ITGA4: variants seen among roughly 807,000 people sequenced by gnomAD.
ITGA4 encodes the protein integrin subunit alpha 4, also known as integrin alpha-4.
ITGA4 carries 63 observed loss-of-function variants against 133.6 expected under a neutral mutation model. That is an observed-to-expected ratio of 0.47 (90% CI 0.38 to 0.58). The LOEUF (loss-of-function observed/expected upper bound fraction) is 0.58. Among genes scored for constraint, ITGA4 ranks in the 20% least tolerant of loss-of-function variants. The pLI, the probability that ITGA4 is intolerant of heterozygous loss-of-function variation, is 0.00. For synonymous variants in ITGA4, 483 were observed against 438.0 expected (o/e 1.10, Z -1.28); for missense variants, 1,076 against 1,252.7 (o/e 0.86, Z 2.13).
chr2:181,472,790 C>T (rs1685585880), intron 2 of ITGA4, among the ~76,000 whole-genome samples: 4 of 151,956 alleles, frequency 2.6e-5, no homozygotes, highest in Admixed American at 1.3e-4. Context: ...TTTTTTTTCT[C>T]CTACCATCTT....
At chr2:181,466,349 T>A (rs991045016) in intron 2 of ITGA4, among the ~76,000 whole-genome samples, 4 of 152,168 alleles carry the variant, frequency 2.6e-5, no homozygotes, top group African/African-American at 9.7e-5. Context: ...TTATATAAAC[T>A]GTTTCTCACA....
At chr2:181,531,567 T>C in intron 24 of ITGA4, 90 bp from the exon 25 acceptor site, 2 of 560,628 alleles carry the variant, frequency 3.6e-6, no homozygotes, top group Non-Finnish European at 5.6e-6. Flanking sequence ...AAAATGCCAT[T>C]AGAGTATATA....
At chr2:181,468,394 AT>A (rs1435833795) in intron 2 of ITGA4, among the ~76,000 whole-genome samples, 1 of 152,126 alleles carries the variant, frequency 6.6e-6, no homozygotes, top group Non-Finnish European at 1.5e-5. Flanking sequence ...CTAGTAAAGG[AT>A]TTTTTTGTGG....
chr2:181,514,292 G>A (rs1487319493), intron 17 of ITGA4, among the ~76,000 whole-genome samples: 1 of 152,052 alleles, frequency 6.6e-6, no homozygotes, highest in Admixed American at 6.6e-5. Context: ...GAGTCAACTA[G>A]GAATAAGTAA....
chr2:181,482,494 T>A lies in ITGA4; in HGVS notation c.904-20T>A, dbSNP rs201229192. ...CCCTGCTTTTTTCTCAATGAGTGGATCTGGTTTGTTTTGGGACAGCTTGGA... is the reference window on the plus strand; with the variant it reads ...CCCTGCTTTTTTCTCAATGAGTGGAACTGGTTTGTTTTGGGACAGCTTGGA... On this transcript the variant is annotated intron_variant, in intron 8 of 27. Transcript: ENST00000397033. 36 of 1,613,618 alleles carry A rather than the reference T, an allele frequency of 2.2e-5. No individual in the cohort carries two copies. Among genetic ancestry groups the A allele is most frequent in the Non-Finnish European group, 3.0e-5 (35 of 1,179,720 alleles).
chr2:181,479,478 A>G (rs1685754465), intron 5 of ITGA4: 1 of 112,968 alleles, frequency 8.9e-6, no homozygotes, highest in Non-Finnish European at 2.0e-5. Context: ...TACAAAGAAA[A>G]TGCTTTCTTC....
In ITGA4 at chr2:181,523,575, A is replaced by AT. The variant is rs746307935; in HGVS notation, c.2169+50dup. The AT allele has an allele frequency of 1.9e-6, 2 of 1,048,276 alleles. No homozygotes were observed. Among genetic ancestry groups the AT allele is most frequent in the Non-Finnish European group, 3.0e-6 (2 of 677,274 alleles). The allele number at this position is 1,048,276 out of a possible 1,614,324, so 64.9% of individuals were successfully genotyped here. ...ATGGCTTTTGTTCACTATCATGAAT[A>AT]TTTTTTTCTATTCTTCCCTATCTTT... is the stretch of plus-strand genomic sequence containing the variant. On this transcript the variant is annotated intron_variant, in intron 19 of 27. Transcript: ENST00000397033. This position sits in a 1 kb window ranked among gnomAD's most constrained non-coding sequence, Gnocchi z 4.2.
In ITGA4 at chr2:181,498,741, A is replaced by G; in HGVS notation, c.1659A>G (p.Arg553=). ...VITGSIQVSS[R]EANCRTHQAF... Reference sequence around the variant, plus strand: ...CAGGAAGCATACAGGTGTCCAGCAGAGAAGCTAACTGTAGAACACATCAAG... The same window carrying G: ...CAGGAAGCATACAGGTGTCCAGCAGGGAAGCTAACTGTAGAACACATCAAG... The change falls in exon 15 of 28, where the codon AGA becomes AGG. Residue 553 remains arginine (R), a synonymous_variant. Coordinates refer to ENST00000397033, the MANE Select transcript of ITGA4 (RefSeq NM_000885.6). 2 of 1,612,010 alleles carry G rather than the reference A, an allele frequency of 1.2e-6. No homozygotes were observed. The highest frequency in any genetic ancestry group is 1.7e-6 in the Non-Finnish European group (2 of 1,178,874).
intron 2 of ITGA4, among the ~76,000 whole-genome samples, chr2:181,472,139 A>G (rs1421986888): frequency 2.0e-5 from 3 of 152,214 alleles, no homozygotes; most frequent in Non-Finnish European, 4.4e-5. Context: ...TACCTGATGG[A>G]GCTAAAACTA....
chr2:181,490,484 CGTGTGT>C (rs35723610), intron 10 of ITGA4, among the ~76,000 whole-genome samples: 95,478 of 137,638 alleles, frequency 0.69, 33,390 homozygotes, highest in Non-Finnish European at 0.75. Flanking sequence ...GAATAGTATT[CGTGTGT>C]GTGTGTGTGT....
At position 181,503,221 on chromosome 2, in the gene ITGA4, C is replaced by A. The variant is rs2105750963; in HGVS notation, c.1695+4444C>A. 1.3e-5 allele frequency among the ~76,000 whole-genome samples: 2 copies of A among 152,250 alleles called. 1 individual carries two copies. The highest frequency in any genetic ancestry group is 3.9e-4 in the East Asian group (2 of 5,170). ...AAACAAAAGCCTTTAAATTTACTTA[C>A]AAAATCCATTGTGTTCTTTGATGGC... is the stretch of plus-strand genomic sequence containing the variant. On this transcript the variant is annotated intron_variant, in intron 15 of 27. Transcript: ENST00000397033.
chr2:181,536,342 T>C lies in ITGA4; in HGVS notation c.*815T>C, dbSNP rs199913623. Among the ~76,000 whole-genome samples the C allele has an allele frequency of 6.6e-6, 1 of 151,950 alleles. No individual in the cohort carries two copies. Among genetic ancestry groups the C allele is most frequent in the South Asian group, 2.1e-4 (1 of 4,828 alleles). On this transcript the variant is annotated 3_prime_UTR_variant, in exon 28 of 28. Transcript: ENST00000397033. The stretch of plus-strand genomic sequence containing the variant: ...CAGGAGTAATCTTCAAATCTTTTGT[T>C]ATATTCTGAAACAAAAGATTGTGAG...
At chr2:181,480,839 C>A (rs2105732387) in intron 6 of ITGA4, among the ~76,000 whole-genome samples, 1 of 152,220 alleles carries the variant, frequency 6.6e-6, no homozygotes, top group Middle Eastern at 3.4e-3. Context: ...CTCCTCCTCA[C>A]TGTCATCTCA....
At chr2:181,465,551 A>G (rs758803447) in intron 2 of ITGA4, among the ~76,000 whole-genome samples, 2 of 152,160 alleles carry the variant, frequency 1.3e-5, no homozygotes, top group African/African-American at 2.4e-5. Flanking sequence ...TCAAAGATAG[A>G]CAAAGTGGCA....
At position 181,522,314 on chromosome 2, in the gene ITGA4, T is replaced by G. The variant is rs776464062; in HGVS notation, c.2046T>G (p.Gly682=). The G allele has an allele frequency of 1.9e-5, 30 of 1,605,794 alleles. No individual in the cohort carries two copies. Among genetic ancestry groups the G allele is most frequent in the Non-Finnish European group, 2.5e-5 (29 of 1,175,374 alleles). ...CTCTACATGTCAAACTACCCGTGGG[T>G]CTTTATTTCATTAAGATTTTAGAGC... is the stretch of plus-strand genomic sequence containing the variant. ...ETTLHVKLPV[G]LYFIKILELE... The change falls in exon 18 of 28, where the codon GGT becomes GGG. Residue 682 remains glycine (G), a synonymous_variant. Transcript: ENST00000397033.
intron 17 of ITGA4, among the ~76,000 whole-genome samples, chr2:181,514,035 A>T (rs959175481): frequency 5.3e-5 from 8 of 152,272 alleles, no homozygotes; most frequent in Admixed American, 5.2e-4. Context: ...GAATGGAACA[A>T]GATCCCAAAA....
intron 17 of ITGA4, among the ~76,000 whole-genome samples, chr2:181,515,501 C>G (rs1262646912): frequency 6.6e-6 from 1 of 151,978 alleles, no homozygotes; most frequent in Non-Finnish European, 1.5e-5. Context: ...TGCATATAAG[C>G]TTTATATCCT....
rs202190898 is a variant in ITGA4, at chr2:181,511,713, G to T, written c.1860G>T (p.Arg620Ser). 2 of 1,593,088 alleles carry T rather than the reference G, an allele frequency of 1.3e-6. No homozygotes were observed. The highest frequency in any genetic ancestry group is 2.2e-5 in the South Asian group (2 of 90,356). Residue 620 changes from arginine to serine, a missense_variant, in exon 17 of 28, where the codon AGG becomes AGT. Coordinates refer to ENST00000397033, the MANE Select transcript of ITGA4 (RefSeq NM_000885.6). Reference protein sequence around the residue: ...DIMKKTINFARFCAHENCSAD... With the variant: ...DIMKKTINFASFCAHENCSAD... ...TTTATTTCCAGATAAACTTTGCAAGGTTTTGTGCCCATGAAAATTGTTCTG... is the reference window on the plus strand; with the variant it reads ...TTTATTTCCAGATAAACTTTGCAAGTTTTTGTGCCCATGAAAATTGTTCTG...
rs756046949 is a variant in ITGA4, at chr2:181,509,631, A to C, written c.1696-27A>C. 3.3e-6 allele frequency: 5 copies of C among 1,526,072 alleles called. No homozygotes were observed. The Admixed American group carries it at 9.0e-5, about 28-fold the overall frequency. 94.5% of individuals were successfully genotyped at this position (1,526,072 alleles called of 1,614,324 possible). On this transcript the variant is annotated intron_variant, in intron 15 of 27. Coordinates refer to ENST00000397033, the MANE Select transcript of ITGA4 (RefSeq NM_000885.6). ...TTTAATCTACGTGCTTGTTTTTGTT[A>C]ATTCATATGGTGGTTATTTTCCTTA... is the stretch of plus-strand genomic sequence containing the variant.
Sources: allele counts gnomAD v4.1 joint callset (sites outside exome capture counted in the v4.1 genomes callset), GRCh38; gene constraint gnomAD v4.1.1; non-coding constraint Gnocchi (gnomAD v3.1); transcripts MANE v1.5; gene names NCBI Gene and HGNC (gene_info 2026-07-23, HGNC 2026-07-21).